Variants in TMCO4 observed in about 807,000 individuals in gnomAD.
The protein encoded by TMCO4 is transmembrane and coiled-coil domains 4, also known as transmembrane and coiled-coil domain-containing protein 4.
In TMCO4, 58 loss-of-function variants were observed where a neutral mutation model predicts 64.7. The observed-to-expected ratio is 0.90, with a 90% CI of 0.73 to 1.12. The LOEUF is 1.12. Among genes scored for constraint, TMCO4 ranks in the 50% most tolerant of loss-of-function variants. TMCO4 has a pLI of 0.00. For synonymous variants in TMCO4, 325 were observed against 346.1 expected (o/e 0.94, Z 0.68); for missense variants, 780 against 825.9 (o/e 0.94, Z 0.68).
At chr1:19,706,329 A>T (rs1557483993) in intron 13 of TMCO4, among the ~76,000 whole-genome samples, 1 of 152,210 alleles carries the variant, frequency 6.6e-6, no homozygotes, top group Non-Finnish European at 1.5e-5. Context: ...TGAGATTTAA[A>T]CATTTCAATA....
chr1:19,694,177 T>A (rs914126559), intron 15 of TMCO4, among the ~76,000 whole-genome samples: 1 of 152,092 alleles, frequency 6.6e-6, no homozygotes, highest in Non-Finnish European at 1.5e-5. Context: ...AATTTAAAAA[T>A]TTTTTATAGA....
intron 10 of TMCO4, among the ~76,000 whole-genome samples, chr1:19,741,742 C>CTTTTTT (rs11404111): frequency 7.0e-6 from 1 of 142,206 alleles, no homozygotes; most frequent in Non-Finnish European, 1.5e-5. Context: ...TTCTTTCTTT[C>CTTTTTT]TTTTTTTTTT....
At chr1:19,719,702 A>C (rs1374581508) in intron 13 of TMCO4, among the ~76,000 whole-genome samples, 3 of 152,120 alleles carry the variant, frequency 2.0e-5, no homozygotes, top group Admixed American at 1.3e-4. Context: ...CTAATTAAAA[A>C]AAAAATTTTG....
intron 2 of TMCO4, among the ~76,000 whole-genome samples, chr1:19,793,541 T>C (rs1009613405): frequency 3.9e-5 from 6 of 152,172 alleles, no homozygotes; most frequent in Non-Finnish European, 8.8e-5. Flanking sequence ...TGATTCTACA[T>C]CTCTATCTGA....
intron 10 of TMCO4, among the ~76,000 whole-genome samples, chr1:19,741,738 C>CT (rs773061506): frequency 0.17 from 24,630 of 144,280 alleles, 2,608 homozygotes; most frequent in African/African-American, 0.29. Flanking sequence ...TTCTTTCTTT[C>CT]TTTCTTTTTT....
At chr1:19,716,186 A>ATT (rs57847602) in intron 13 of TMCO4, among the ~76,000 whole-genome samples, 1 of 130,960 alleles carries the variant, frequency 7.6e-6, no homozygotes, top group Non-Finnish European at 1.6e-5. Flanking sequence ...TATTATTATT[A>ATT]ATTTATTTAT....
intron 3 of TMCO4, among the ~76,000 whole-genome samples, chr1:19,781,791 C>T (rs917464078): frequency 3.9e-5 from 6 of 152,172 alleles, no homozygotes; most frequent in South Asian, 2.1e-4. Context: ...GGACTACAGG[C>T]GCCCACTACC....
At chr1:19,761,377 A>G (rs1307381726) in intron 6 of TMCO4, among the ~76,000 whole-genome samples, 2 of 152,260 alleles carry the variant, frequency 1.3e-5, no homozygotes, top group Middle Eastern at 3.4e-3. Context: ...GTGCTGCAAC[A>G]TCCCCCCATT....
intron 13 of TMCO4, among the ~76,000 whole-genome samples, chr1:19,714,507 A>T (rs985545518): frequency 1.3e-5 from 2 of 152,114 alleles, no homozygotes; most frequent in African/African-American, 4.8e-5. Flanking sequence ...TGTTTCTGCA[A>T]CCTTTCTTCA....
chr1:19,715,811 C>T (rs2095353054), intron 13 of TMCO4, among the ~76,000 whole-genome samples: 1 of 152,176 alleles, frequency 6.6e-6, no homozygotes, highest in Non-Finnish European at 1.5e-5. Flanking sequence ...CCATGTAAGC[C>T]CCGGGCATCT....
chr1:19,700,703 G>T, intron 14 of TMCO4, 65 bp downstream of exon 14: 1 of 1,372,368 alleles, frequency 7.3e-7, no homozygotes, highest in Non-Finnish European at 1.0e-6. Context: ...CCAACACAGA[G>T]CCTGGGCATA....
Position 19,772,374 on chromosome 1 carries a change from A to C in TMCO4, c.180-892T>G, listed in dbSNP as rs1349283600. Among the ~76,000 whole-genome samples the C allele has an allele frequency of 2.0e-5, 3 of 152,120 alleles. 1 individual carries two copies. On this transcript the variant is annotated intron_variant, in intron 4 of 15. Coordinates refer to ENST00000294543, the MANE Select transcript of TMCO4 (RefSeq NM_181719.7). ...GAAGGGAAGAGTGCCCTCCACGTGC[A>C]CTGCCACCGCCAGTCTCTGTCCATA... is the stretch of plus-strand genomic sequence containing the variant.
intron 10 of TMCO4, among the ~76,000 whole-genome samples, chr1:19,742,738 T>C (rs1053669445): frequency 1.3e-5 from 2 of 152,068 alleles, no homozygotes; most frequent in African/African-American, 2.4e-5. Context: ...TTTGTAAGGA[T>C]GGAATAATAA....
chr1:19,718,144 C>T (rs1295963000), intron 13 of TMCO4, among the ~76,000 whole-genome samples: 1 of 151,796 alleles, frequency 6.6e-6, no homozygotes, highest in Non-Finnish European at 1.5e-5. Flanking sequence ...ACCAGCCTGG[C>T]CAACATGGTG....
chr1:19,700,678 C>A (rs1295044728), intron 14 of TMCO4, 90 bp downstream of exon 14: 43 of 1,200,962 alleles, frequency 3.6e-5, no homozygotes, highest in Non-Finnish European at 5.1e-5. Flanking sequence ...GGGATTAGGT[C>A]TCAAATATGT....
rs1359793503 is a variant in TMCO4 at position 19,737,280 on chromosome 1, T to C, written c.1264+92A>G. The C allele has an allele frequency of 2.3e-6, 3 of 1,290,256 alleles. No homozygotes were observed. The African/African-American group carries it at 4.5e-5, about 19-fold the overall frequency. The allele number at this position is 1,290,256 out of a possible 1,614,324, so 79.9% of individuals were successfully genotyped here. Reference sequence around the variant, plus strand: ...ATTATTTCTAAGAACTGGGAACACATTTTGCAAGGCTCATGGCCCCTGGCC... The same window carrying C: ...ATTATTTCTAAGAACTGGGAACACACTTTGCAAGGCTCATGGCCCCTGGCC... On this transcript the variant is annotated intron_variant, in intron 13 of 15. Coordinates refer to ENST00000294543, the MANE Select transcript of TMCO4 (RefSeq NM_181719.7).
intron 13 of TMCO4, among the ~76,000 whole-genome samples, chr1:19,708,854 A>G (rs1435858031): frequency 6.6e-6 from 1 of 152,238 alleles, no homozygotes; most frequent in East Asian, 1.9e-4. Flanking sequence ...TTCAAGAAGC[A>G]AAAAAGAAGG....
chr1:19,741,560 G>A (rs549653391), intron 10 of TMCO4, among the ~76,000 whole-genome samples: 1 of 152,200 alleles, frequency 6.6e-6, no homozygotes, highest in African/African-American at 2.4e-5. Flanking sequence ...AGGAGGATGA[G>A]ACAGCACCAC....
intron 13 of TMCO4, among the ~76,000 whole-genome samples, chr1:19,728,471 C>T (rs568726731): frequency 3.3e-5 from 5 of 152,342 alleles, no homozygotes; most frequent in African/African-American, 4.8e-5. Context: ...TTCCCATTTA[C>T]AGGCAGCTCT....
Sources: allele counts gnomAD v4.1 joint callset (sites outside exome capture counted in the v4.1 genomes callset), GRCh38; gene constraint gnomAD v4.1.1; transcripts MANE v1.5; gene names NCBI Gene and HGNC (gene_info 2026-07-23, HGNC 2026-07-21).